Variants in CAAP1 observed in about 807,000 individuals in gnomAD.
CAAP1 encodes the protein conserved anti-apoptotic protein.
Under a neutral mutation model 34.0 loss-of-function variants are expected in CAAP1, and 20 were observed. The observed-to-expected ratio is 0.59, with a 90% CI of 0.41 to 0.86. The LOEUF (loss-of-function observed/expected upper bound fraction) is 0.86. Ranked by LOEUF, CAAP1 falls within the 40% of genes least tolerant of loss-of-function variation. The pLI, the probability that CAAP1 is intolerant of heterozygous loss-of-function variation, is 0.00. For synonymous variants in CAAP1, 213 were observed against 166.7 expected, an observed-to-expected ratio of 1.28 and a Z score of -2.14; for missense variants, 538 against 450.5, an observed-to-expected ratio of 1.19 and a Z score of -1.76.
At chr9:26,872,061 TCTA>T (rs1204030039) in intron 4 of CAAP1, among the ~76,000 whole-genome samples, 1 of 152,218 alleles carries the variant, frequency 6.6e-6, no homozygotes, top group East Asian at 1.9e-4. Flanking sequence ...CAGCAAGAGT[TCTA>T]CCACATATCA....
intron 5 of CAAP1, among the ~76,000 whole-genome samples, chr9:26,857,077 A>G (rs773287629): frequency 6.6e-6 from 1 of 151,956 alleles, no homozygotes; most frequent in Non-Finnish European, 1.5e-5. Flanking sequence ...TACAAATGAA[A>G]TACCTTCAAC....
chr9:26,841,140 C>T lies in CAAP1; in HGVS notation c.*1161G>A, dbSNP rs1017802271. On this transcript the variant is annotated 3_prime_UTR_variant, in exon 6 of 6. Coordinates refer to ENST00000333916, the MANE Select transcript of CAAP1 (RefSeq NM_024828.4). ...TTAAAGCAGCTAATAAAACACAATC[C>T]CTGCAACTTTTATATATAAGGAAAG... The T allele has an allele frequency of 6.6e-6, 1 of 152,054 alleles. No individual in the cohort carries two copies. The highest frequency in any genetic ancestry group is 2.4e-5 in the African/African-American group (1 of 41,396). 9.4% of individuals were successfully genotyped at this position (152,054 alleles called of 1,614,324 possible).
Position 26,840,790 on chromosome 9 carries a change from A to C in CAAP1, c.*1511T>G, listed in dbSNP as rs1337978179. 2 of 152,228 alleles carry C rather than the reference A, an allele frequency of 1.3e-5. No individual in the cohort carries two copies. Among genetic ancestry groups the C allele is most frequent in the African/African-American group, 4.8e-5 (2 of 41,464 alleles). 9.4% of individuals were successfully genotyped at this position (152,228 alleles called of 1,614,324 possible). On this transcript the variant is annotated 3_prime_UTR_variant, in exon 6 of 6. Transcript: ENST00000333916. ...CTACAGTATTTTGTAGTTAGTAAGCAGCAATAAAGTTTATTCTGTACTACT... is the reference window on the plus strand; with the variant it reads ...CTACAGTATTTTGTAGTTAGTAAGCCGCAATAAAGTTTATTCTGTACTACT...
At chr9:26,882,596 G>A (rs1306732670) in intron 4 of CAAP1, among the ~76,000 whole-genome samples, 2 of 152,222 alleles carry the variant, frequency 1.3e-5, no homozygotes, top group African/African-American at 4.8e-5. Flanking sequence ...GAAGGGAAAT[G>A]TGGGGTTGAA....
At position 26,880,990 on chromosome 9, in the gene CAAP1, T is replaced by C. The variant is rs187310314; in HGVS notation, c.665+3820A>G. On this transcript the variant is annotated intron_variant, in intron 4 of 5. Transcript: ENST00000333916. ...TGTGCCAAGCCCTCTCTTTCTTTCATCTTTAAACCTTAAATCCTATTCCAT... is the reference window on the plus strand; with the variant it reads ...TGTGCCAAGCCCTCTCTTTCTTTCACCTTTAAACCTTAAATCCTATTCCAT... Among the ~76,000 whole-genome samples the C allele has an allele frequency of 3.7e-4, 56 of 152,288 alleles. No homozygotes were observed. In the East Asian group the frequency reaches 9.8e-3, roughly 27 times the overall value.
intron 4 of CAAP1, among the ~76,000 whole-genome samples, chr9:26,865,231 C>G (rs1331267836): frequency 6.6e-6 from 1 of 151,954 alleles, no homozygotes; most frequent in African/African-American, 2.4e-5. Flanking sequence ...GATTAAAAAT[C>G]ACAAGAAATT....
intron 4 of CAAP1, among the ~76,000 whole-genome samples, chr9:26,881,133 A>T (rs1318343189): frequency 2.0e-5 from 3 of 151,598 alleles, no homozygotes; most frequent in East Asian, 3.9e-4. Flanking sequence ...ACACAGCAAG[A>T]CCCCATCTAA....
At chr9:26,879,746 C>G (rs559601517) in intron 4 of CAAP1, among the ~76,000 whole-genome samples, 1 of 152,328 alleles carries the variant, frequency 6.6e-6, no homozygotes, top group African/African-American at 2.4e-5. Context: ...CCTTGAACAT[C>G]AGACTCCAGG....
intron 1 of CAAP1, among the ~76,000 whole-genome samples, chr9:26,888,337 C>A (rs1823805531): frequency 6.6e-6 from 1 of 152,198 alleles, no homozygotes; most frequent in South Asian, 2.1e-4. Flanking sequence ...TCGACTGTAA[C>A]CTATTCTCCT....
intron 5 of CAAP1, among the ~76,000 whole-genome samples, chr9:26,854,818 G>A (rs1213632802): frequency 6.6e-6 from 1 of 152,150 alleles, no homozygotes. Flanking sequence ...CATATCATTA[G>A]GGAATTGCAT....
rs1823942877 is a variant in CAAP1 at position 26,892,668 on chromosome 9, A to T, written c.48T>A (p.Ser16Arg). 1 of 1,606,416 alleles carries T rather than the reference A, an allele frequency of 6.2e-7. No individual in the cohort carries two copies. Among genetic ancestry groups the T allele is most frequent in the Non-Finnish European group, 8.5e-7 (1 of 1,178,962 alleles). The change falls in exon 1 of 6, where the codon AGT (serine) becomes AGA (arginine). Residue 16 changes from serine (S) to arginine (R), a missense_variant. Physicochemically the swap from Ser to Arg is moderately radical, Grantham distance 110. Coordinates refer to ENST00000333916, the MANE Select transcript of CAAP1 (RefSeq NM_024828.4). ...SSREKRRKRS[S>R]QEAAAALAAP... The stretch of plus-strand genomic sequence containing the variant: ...CCGCGAGCGCTGCGGCCGCCTCCTG[A>T]CTGCTACGTTTGCGCCGTTTCTCCC...
intron 5 of CAAP1, among the ~76,000 whole-genome samples, chr9:26,851,343 G>A (rs148984760): frequency 1.7e-3 from 252 of 152,306 alleles, no homozygotes; most frequent in African/African-American, 5.6e-3. Context: ...AACTGCAAGT[G>A]TGAGGGACAG....
In CAAP1 at chr9:26,892,481, C is replaced by G. The variant is rs1157109665; in HGVS notation, c.235G>C (p.Val79Leu). Residue 79 changes from valine (V) to leucine (L), a missense_variant, in exon 1 of 6, where the codon GTG becomes CTG. By Grantham distance (32) the Val-to-Leu change is conservative (BLOSUM62 1). This residue lies in a region of CAAP1 where 514 missense variants were observed against 408.4 expected (regional missense o/e 1.26). Coordinates refer to ENST00000333916, the MANE Select transcript of CAAP1 (RefSeq NM_024828.4). Reference sequence around the variant, plus strand: ...CGCTTCCGGCGCTCGCTGCGCTCCACGCTGCTCCCGCCCCAACAGCTGCCG... The same window carrying G: ...CGCTTCCGGCGCTCGCTGCGCTCCAGGCTGCTCCCGCCCCAACAGCTGCCG... The part of the protein sequence containing the change: ...SGGSCWGGSS[V>L]ERSERRKRRS... 1.9e-6 allele frequency: 3 copies of G among 1,559,280 alleles called. No homozygotes were observed. The highest frequency in any genetic ancestry group is 2.6e-6 in the Non-Finnish European group (3 of 1,152,546).
At chr9:26,879,312 TTTATAA>T (rs554575981) in intron 4 of CAAP1, among the ~76,000 whole-genome samples, 156 of 152,354 alleles carry the variant, frequency 1.0e-3, no homozygotes, top group African/African-American at 3.5e-3. Context: ...AACAGATTTA[TTTATAA>T]TTATAAAGTT....
At position 26,892,624 on chromosome 9, in the gene CAAP1, G is replaced by T; in HGVS notation, c.92C>A (p.Ala31Glu). 1 of 1,609,332 alleles carries T rather than the reference G, an allele frequency of 6.2e-7. No individual in the cohort carries two copies. Residue 31 changes from alanine (A) to glutamate (E), a missense_variant, in exon 1 of 6, where the codon GCG becomes GAG. Transcript: ENST00000333916. Reference sequence around the variant, plus strand: ...GCTTCCACTGCTGCCGCTGGCCAACGCGGGTACGATGTCCGGGGCCGCGAG... The same window carrying T: ...GCTTCCACTGCTGCCGCTGGCCAACTCGGGTACGATGTCCGGGGCCGCGAG... ...AALAAPDIVPALASGSSGSTS... is the reference protein window; with the variant it reads ...AALAAPDIVPELASGSSGSTS...
intron 4 of CAAP1, among the ~76,000 whole-genome samples, chr9:26,865,982 G>T: frequency 6.6e-6 from 1 of 152,074 alleles, no homozygotes; most frequent in East Asian, 1.9e-4. Context: ...GAGTAGCTGG[G>T]ATTACAGACA....
At chr9:26,847,360 G>A (rs1208228569) in intron 5 of CAAP1, among the ~76,000 whole-genome samples, 4 of 151,048 alleles carry the variant, frequency 2.6e-5, no homozygotes, top group Non-Finnish European at 4.4e-5. Flanking sequence ...GACTACAGGC[G>A]CCCGCCACCA....
intron 4 of CAAP1, among the ~76,000 whole-genome samples, chr9:26,871,577 T>TAAAA (rs147681252): frequency 8.5e-6 from 1 of 117,424 alleles, no homozygotes; most frequent in Non-Finnish European, 1.9e-5. Context: ...ACTCTGTCTT[T>TAAAA]AAAAAAAAAA....
chr9:26,846,068 T>A (rs571884879), intron 5 of CAAP1, among the ~76,000 whole-genome samples: 1 of 152,112 alleles, frequency 6.6e-6, no homozygotes, highest in Non-Finnish European at 1.5e-5. Flanking sequence ...TTAATTTTAA[T>A]TGCCATGTTG....
Sources: allele counts gnomAD v4.1 joint callset (sites outside exome capture counted in the v4.1 genomes callset), GRCh38; gene constraint gnomAD v4.1.1; regional missense constraint gnomAD v4.1.1; transcripts MANE v1.5; gene names NCBI Gene and HGNC (gene_info 2026-07-23, HGNC 2026-07-21).